Variants in ARHGAP39 observed in about 807,000 individuals in gnomAD.
ARHGAP39 encodes rho GTPase-activating protein 39.
ARHGAP39 carries 44 observed loss-of-function variants against 106.9 expected under a neutral mutation model. That is an observed-to-expected ratio of 0.41 (90% CI 0.32 to 0.53). The LOEUF is 0.53. Ranked by LOEUF, ARHGAP39 falls within the 20% of genes least tolerant of loss-of-function variation. The pLI, the probability that ARHGAP39 is intolerant of heterozygous loss-of-function variation, is 0.21. For synonymous variants in ARHGAP39, 768 were observed against 693.2 expected (o/e 1.11, Z -1.69); for missense variants, 1,496 against 1,577.3 (o/e 0.95, Z 0.87).
chr8:144,588,727 C>T (rs1819275176), intron 2 of ARHGAP39, among the ~76,000 whole-genome samples: 2 of 152,224 alleles, frequency 1.3e-5, no homozygotes, highest in Admixed American at 6.5e-5. Flanking sequence ...CACGGCGGCA[C>T]GGGGGAACAC....
In ARHGAP39 at chr8:144,677,190, A is replaced by C. The variant is rs551506577; in HGVS notation, c.-82+8496T>G. Among the ~76,000 whole-genome samples, 16 of 152,366 alleles carry C rather than the reference A, an allele frequency of 1.1e-4. No homozygotes were observed. The South Asian group carries it at 3.3e-3, about 32-fold the overall frequency. ...TGTTTATCCGTTCATCCGCTGATGG[A>C]CATTTAGGTTGTCTCCACTTTCTGG... On this transcript the variant is annotated intron_variant, in intron 1 of 11. Transcript: ENST00000377307.
At chr8:144,688,012 T>C (rs1822667429), upstream of ARHGAP39, among the ~76,000 whole-genome samples, 1 of 151,430 alleles carries the variant, frequency 6.6e-6, no homozygotes, top group Non-Finnish European at 1.5e-5. Context: ...CCCACCCCCA[T>C]GACCACACAT....
At chr8:144,566,195 A>G (rs1818389454) in intron 3 of ARHGAP39, among the ~76,000 whole-genome samples, 1 of 152,206 alleles carries the variant, frequency 6.6e-6, no homozygotes, top group Non-Finnish European at 1.5e-5. Context: ...CACGAACCCC[A>G]GCACAAGGAA....
At chr8:144,617,973 G>T (rs1332296061) in intron 1 of ARHGAP39, among the ~76,000 whole-genome samples, 1 of 151,856 alleles carries the variant, frequency 6.6e-6, no homozygotes, top group Non-Finnish European at 1.5e-5. Flanking sequence ...CTAGAGATGG[G>T]GTCTCTCTAT....
intron 1 of ARHGAP39, among the ~76,000 whole-genome samples, chr8:144,612,160 G>A (rs74621929): frequency 6.0e-5 from 9 of 150,392 alleles, no homozygotes; most frequent in African/African-American, 9.8e-5. Context: ...CAGCCAGGGC[G>A]ACAGAGTGAG....
intron 1 of ARHGAP39, among the ~76,000 whole-genome samples, chr8:144,622,364 C>T (rs1820828670): frequency 6.6e-6 from 1 of 152,140 alleles, no homozygotes; most frequent in Non-Finnish European, 1.5e-5. Context: ...GTCAGCAGCC[C>T]CACCCGCCAC....
Position 144,591,868 on chromosome 8 carries a change from C to T in ARHGAP39, c.81-10591G>A, listed in dbSNP as rs1312702858. 2.0e-5 allele frequency among the ~76,000 whole-genome samples: 3 copies of T among 152,048 alleles called. No individual in the cohort carries two copies. The highest frequency in any genetic ancestry group is 2.1e-4 in the South Asian group (1 of 4,826). ...CTTCCCCTGGATGGCGGCGTCGCCT[C>T]GTCGCCTCGTGCCTGCGGGGAGTGC... On this transcript the variant is annotated intron_variant, in intron 2 of 11. Transcript: ENST00000377307. This position sits in a 1 kb window ranked among gnomAD's most constrained non-coding sequence, Gnocchi z 5.3.
chr8:144,609,699 G>A (rs2130953057), intron 1 of ARHGAP39, among the ~76,000 whole-genome samples: 1 of 152,244 alleles, frequency 6.6e-6, no homozygotes, highest in East Asian at 1.9e-4. Context: ...ACCGCGCCTG[G>A]CCATATTGTC....
intron 3 of ARHGAP39, among the ~76,000 whole-genome samples, chr8:144,557,980 G>A (rs1212226467): frequency 3.9e-5 from 6 of 152,210 alleles, no homozygotes; most frequent in Non-Finnish European, 5.9e-5. Flanking sequence ...TAAAACAATC[G>A]AATGAGAAAC....
chr8:144,599,591 G>A (rs1229875877), intron 2 of ARHGAP39, among the ~76,000 whole-genome samples: 2 of 152,114 alleles, frequency 1.3e-5, no homozygotes, highest in African/African-American at 2.4e-5. Flanking sequence ...GTACGGTTGG[G>A]GCTTTGGGAA....
intron 3 of ARHGAP39, among the ~76,000 whole-genome samples, chr8:144,557,894 G>GA (rs1564846730): frequency 6.6e-6 from 1 of 151,964 alleles, no homozygotes; most frequent in Admixed American, 6.6e-5. Flanking sequence ...AACTGGACAA[G>GA]AAAAAAAACC....
At chr8:144,532,417 C>A in intron 9 of ARHGAP39, 21 bp from the exon 10 acceptor site, 1 of 1,603,096 alleles carries the variant, frequency 6.2e-7, no homozygotes, top group Non-Finnish European at 8.5e-7. Flanking sequence ...CAGGGCAGGT[C>A]TCAGGCAACA....
At chr8:144,533,967 C>T (rs981290426) in intron 8 of ARHGAP39, among the ~76,000 whole-genome samples, 162 bp downstream of exon 8, 2 of 152,102 alleles carry the variant, frequency 1.3e-5, no homozygotes, top group Non-Finnish European at 1.5e-5. Flanking sequence ...CAGAAGAACA[C>T]GGGGTCAGCC....
chr8:144,629,680 C>T (rs2130976981), intron 1 of ARHGAP39, among the ~76,000 whole-genome samples: 1 of 152,330 alleles, frequency 6.6e-6, no homozygotes, highest in Admixed American at 6.5e-5. Context: ...GCATTGACAG[C>T]AATGAGCGCC....
chr8:144,559,962 G>T (rs569597835), intron 3 of ARHGAP39, among the ~76,000 whole-genome samples: 2 of 152,342 alleles, frequency 1.3e-5, no homozygotes, highest in Admixed American at 1.3e-4. Flanking sequence ...CACTCAAAAC[G>T]TTCCAGATCA....
chr8:144,547,914 CCGG>C lies in ARHGAP39; in HGVS notation c.1169_1171del (p.Ala390del). On this transcript the variant is annotated inframe_deletion, in exon 5 of 12. Transcript: ENST00000377307. The surrounding 1 kb of genome is among the most constrained non-coding windows in gnomAD (Gnocchi z 5.2). ...GACCAGCTGCCGCACGTACTCCTTG[CCGG>C]CGGGACTGTACTCCAGGCTCAGGAA... 6.3e-7 allele frequency: 1 copy of C among 1,583,950 alleles called. No homozygotes were observed. The highest frequency in any genetic ancestry group is 8.6e-7 in the Non-Finnish European group (1 of 1,165,580).
intron 8 of ARHGAP39, among the ~76,000 whole-genome samples, chr8:144,533,617 G>A (rs2130817345): frequency 6.6e-6 from 1 of 152,310 alleles, no homozygotes; most frequent in South Asian, 2.1e-4. Context: ...CAGCTCCCTG[G>A]CCAGAGTCAC....
intron 1 of ARHGAP39, among the ~76,000 whole-genome samples, chr8:144,656,885 A>C: frequency 6.6e-6 from 1 of 151,672 alleles, no homozygotes. Context: ...TTTAACCAAC[A>C]TTTATAAAAT....
chr8:144,542,893 T>A (rs1246761437), intron 6 of ARHGAP39, among the ~76,000 whole-genome samples: 1 of 151,084 alleles, frequency 6.6e-6, no homozygotes, highest in Non-Finnish European at 1.5e-5. Context: ...GAGTCATGAT[T>A]GCACCACTGC....
Sources: gnomAD v4.1 joint callset for allele counts (sites outside exome capture counted in the v4.1 genomes callset) on GRCh38, gnomAD v4.1.1 for gene constraint, Gnocchi (gnomAD v3.1) non-coding constraint, MANE v1.5 for transcripts, NCBI Gene and HGNC (gene_info 2026-07-23, HGNC 2026-07-21) for gene names.